Variants in GLI3 observed in about 807,000 individuals in gnomAD.
GLI3 encodes GLI family zinc finger 3, also known as transcription activator GLI3.
Under a neutral mutation model 100.8 loss-of-function variants are expected in GLI3, and 20 were observed. That is an observed-to-expected ratio of 0.20 (90% CI 0.14 to 0.29). GLI3 has a LOEUF of 0.29. Ranked by LOEUF, GLI3 falls within the 10% of genes least tolerant of loss-of-function variation. GLI3 has a pLI of 1.00. For synonymous variants in GLI3, 938 were observed against 860.5 expected, an observed-to-expected ratio of 1.09 and a Z score of -1.58; for missense variants, 2,040 against 2,128.5, an observed-to-expected ratio of 0.96 and a Z score of 0.82.
upstream of GLI3, among the ~76,000 whole-genome samples, chr7:42,238,179 C>G (rs1788872008): frequency 1.3e-5 from 2 of 152,050 alleles, no homozygotes; most frequent in Non-Finnish European, 2.9e-5. Context: ...CGTGATGTCA[C>G]CCGCGCCCTC....
intron 3 of GLI3, among the ~76,000 whole-genome samples, chr7:42,114,279 A>AT (rs1187788278): frequency 2.0e-5 from 3 of 152,168 alleles, no homozygotes; most frequent in Non-Finnish European, 4.4e-5. Context: ...ATGAAGACTT[A>AT]TTGGGTTTTA....
At chr7:41,977,864 T>C (rs1787550814) in intron 11 of GLI3, 142 bp from the exon 12 acceptor site, 2 of 751,428 alleles carry the variant, frequency 2.7e-6, no homozygotes, top group Non-Finnish European at 2.4e-6. Flanking sequence ...TCCACTAAAC[T>C]CTGCATTTAT....
Position 42,228,238 on chromosome 7 carries a change from C to T in GLI3, c.-42-4943G>A, listed in dbSNP as rs944221177. On this transcript the variant is annotated intron_variant, in intron 1 of 14. Coordinates refer to ENST00000395925, the MANE Select transcript of GLI3 (RefSeq NM_000168.6). ...CCAGTCAGCGCGCCAGCAAACAGAACATGCTGGATTGCTCAGAGACGGCTC... is the reference window on the plus strand; with the variant it reads ...CCAGTCAGCGCGCCAGCAAACAGAATATGCTGGATTGCTCAGAGACGGCTC... Among the ~76,000 whole-genome samples the T allele has an allele frequency of 2.0e-5, 3 of 152,222 alleles. No individual in the cohort carries two copies. In the South Asian group the frequency reaches 6.2e-4, roughly 32 times the overall value.
intron 3 of GLI3, among the ~76,000 whole-genome samples, chr7:42,103,825 T>C (rs183838737): frequency 6.6e-6 from 1 of 152,274 alleles, no homozygotes; most frequent in African/African-American, 2.4e-5. Context: ...GATTGGCATG[T>C]GAAGAGACTC....
At position 41,964,432 on chromosome 7, in the gene GLI3, G is replaced by T; in HGVS notation, c.4641C>A (p.Phe1547Leu). 1 of 1,614,182 alleles carries T rather than the reference G, an allele frequency of 6.2e-7. No individual in the cohort carries two copies. Among genetic ancestry groups the T allele is most frequent in the South Asian group, 1.1e-5 (1 of 91,082 alleles). ...TGGTGGTGCTCATGGACAGCGCTGG[G>T]AATGGGAGGGACGCCCGAGGCGTGG... ...RLTTPRASLP[F>L]PALSMSTTNM... The change falls in exon 15 of 15, where the codon TTC becomes TTA. Residue 1547 changes from phenylalanine to leucine, a missense_variant. Physicochemically the swap from Phe to Leu is conservative, Grantham distance 22. This residue lies in a region of GLI3 where 1,041 missense variants were observed against 924.0 expected (regional missense o/e 1.13). Transcript: ENST00000395925.
intron 10 of GLI3, among the ~76,000 whole-genome samples, chr7:42,015,062 T>A (rs1389111092): frequency 6.6e-6 from 1 of 152,218 alleles, no homozygotes; most frequent in Non-Finnish European, 1.5e-5. Flanking sequence ...CATTATAGGA[T>A]CTCATTCTAT....
chr7:42,060,972 A>C (rs1381610684), intron 4 of GLI3, among the ~76,000 whole-genome samples: 1 of 152,224 alleles, frequency 6.6e-6, no homozygotes, highest in African/African-American at 2.4e-5. Context: ...AGATCTGTTT[A>C]CAAACAAACC....
chr7:42,015,437 C>T (rs894147866), intron 10 of GLI3, among the ~76,000 whole-genome samples: 2 of 152,054 alleles, frequency 1.3e-5, no homozygotes, highest in African/African-American at 2.4e-5. Context: ...TAGTATTTGG[C>T]TAATCCCAGA....
intron 10 of GLI3, among the ~76,000 whole-genome samples, chr7:42,016,692 C>G (rs1788774336): frequency 6.6e-6 from 1 of 152,080 alleles, no homozygotes; most frequent in Admixed American, 6.5e-5. Context: ...CTCAAATCAT[C>G]ATCATCACCA....
At chr7:42,055,389 G>C (rs545853315) in intron 4 of GLI3, among the ~76,000 whole-genome samples, 63 of 152,168 alleles carry the variant, frequency 4.1e-4, no homozygotes, top group African/African-American at 1.5e-3. Flanking sequence ...TTTAAGGTCT[G>C]AATCAGCTGG....
upstream of GLI3, among the ~76,000 whole-genome samples, chr7:42,241,192 G>A (rs968498421): frequency 1.3e-5 from 2 of 152,200 alleles, no homozygotes; most frequent in African/African-American, 4.8e-5. Context: ...TTCATCTTTC[G>A]GCTCCACTTT....
chr7:42,141,426 C>G (rs545158718), intron 3 of GLI3, among the ~76,000 whole-genome samples: 17 of 152,314 alleles, frequency 1.1e-4, no homozygotes, highest in Non-Finnish European at 1.8e-4. Context: ...AATCCTAGCA[C>G]TTTGGGAGGC....
chr7:42,051,397 G>A (rs957957463), intron 4 of GLI3, among the ~76,000 whole-genome samples: 8 of 152,134 alleles, frequency 5.3e-5, no homozygotes, highest in African/African-American at 1.9e-4. Context: ...CTCATGTACT[G>A]AGCCTAGTAT....
At chr7:42,216,883 T>C (rs1368854780) in intron 2 of GLI3, among the ~76,000 whole-genome samples, 1 of 152,214 alleles carries the variant, frequency 6.6e-6, no homozygotes, top group Non-Finnish European at 1.5e-5. Context: ...GCATATCTAC[T>C]TCTGAACATA....
At chr7:42,082,790 T>C (rs1785024343) in intron 3 of GLI3, among the ~76,000 whole-genome samples, 1 of 152,218 alleles carries the variant, frequency 6.6e-6, no homozygotes, top group Non-Finnish European at 1.5e-5. Context: ...ATCTATTATT[T>C]TGTCACTTTA....
At chr7:42,168,704 C>A (rs1439105559) in intron 2 of GLI3, among the ~76,000 whole-genome samples, 1 of 151,984 alleles carries the variant, frequency 6.6e-6, no homozygotes, top group African/African-American at 2.4e-5. Context: ...TCACTTGAGG[C>A]CAGGAATTCG....
chr7:42,053,539 C>T (rs996040408), intron 4 of GLI3, among the ~76,000 whole-genome samples: 53 of 152,090 alleles, frequency 3.5e-4, no homozygotes, highest in African/African-American at 1.2e-3. Context: ...AAATATTTGT[C>T]GAGCTTGTTA....
Position 41,965,960 on chromosome 7 carries a change from G to C in GLI3, c.3113C>G (p.Ser1038Cys). 1 of 1,610,612 alleles carries C rather than the reference G, an allele frequency of 6.2e-7. No homozygotes were observed. Among genetic ancestry groups the C allele is most frequent in the Non-Finnish European group, 8.5e-7 (1 of 1,179,670 alleles). The change falls in exon 15 of 15, where the codon TCC becomes TGC. Residue 1038 changes from serine to cysteine, a missense_variant. Around this residue, in one of 5 missense-constraint regions of GLI3, gnomAD observed 1,041 missense variants for 924.0 expected, o/e 1.13. Transcript: ENST00000395925. ...AAGCACGAGACTGCGCTTCTCCGCGGACGTGGCCATCGCCGGGGGGTTGCA... is the reference window on the plus strand; with the variant it reads ...AAGCACGAGACTGCGCTTCTCCGCGCACGTGGCCATCGCCGGGGGGTTGCA... ...SSCNPPAMAT[S>C]AEKRSLVLQN...
At chr7:42,171,337 A>G (rs1441344213) in intron 2 of GLI3, among the ~76,000 whole-genome samples, 1 of 152,244 alleles carries the variant, frequency 6.6e-6, no homozygotes, top group Non-Finnish European at 1.5e-5. Context: ...TATGAAGAGA[A>G]CTAAGGAGAT....
Sources: allele counts gnomAD v4.1 joint callset (sites outside exome capture counted in the v4.1 genomes callset), GRCh38; gene constraint gnomAD v4.1.1; regional missense constraint gnomAD v4.1.1; transcripts MANE v1.5; gene names NCBI Gene and HGNC (gene_info 2026-07-23, HGNC 2026-07-21).